THRB: variants seen among roughly 807,000 people sequenced by gnomAD.
THRB encodes thyroid hormone receptor beta.
Under a neutral mutation model 47.8 loss-of-function variants are expected in THRB, and 12 were observed. The ratio of observed to expected loss-of-function variants is 0.25; its 90% CI spans 0.16 to 0.41. The LOEUF (loss-of-function observed/expected upper bound fraction) is 0.41, where lower values mean the gene tolerates loss of function less well. Ranked by LOEUF, THRB falls within the 10% of genes least tolerant of loss-of-function variation. The pLI, the probability that THRB is intolerant of heterozygous loss-of-function variation, is 1.00. For synonymous variants in THRB, 218 were observed against 212.2 expected, an observed-to-expected ratio of 1.03 and a Z score of -0.24; for missense variants, 348 against 589.2, an observed-to-expected ratio of 0.59 and a Z score of 4.24.
At chr3:24,135,844 T>A (rs7432143) in intron 8 of THRB, among the ~76,000 whole-genome samples, 1,095 of 87,624 alleles carry the variant, frequency 0.012, 43 homozygotes, top group African/African-American at 0.041. Context: ...TATATATATA[T>A]ATAATACATA....
At position 24,261,511 on chromosome 3, in the gene THRB, A is replaced by C. The variant is rs569182824; in HGVS notation, c.-42-32510T>G. On this transcript the variant is annotated intron_variant, in intron 3 of 10. Transcript: ENST00000646209. ...CGATTCTGTCTCAAAAAAAAAAAAA[A>C]AAAAAAACCAAAAAAAACTCTCTAG... is the stretch of plus-strand genomic sequence containing the variant. 3.8e-3 allele frequency among the ~76,000 whole-genome samples: 558 copies of C among 148,472 alleles called. 6 individuals carry two copies. Among genetic ancestry groups the C allele is most frequent in the African/African-American group, 0.014 (532 of 38,656 alleles).
At chr3:24,141,997 G>T (rs994007519) in intron 8 of THRB, among the ~76,000 whole-genome samples, 5 of 152,362 alleles carry the variant, frequency 3.3e-5, no homozygotes, top group Non-Finnish European at 5.9e-5. Flanking sequence ...ATACCAGGGT[G>T]GGGTGAAGAT....
intron 9 of THRB, among the ~76,000 whole-genome samples, chr3:24,132,210 T>C (rs2033968108): frequency 6.6e-6 from 1 of 152,192 alleles, no homozygotes; most frequent in South Asian, 2.1e-4. Flanking sequence ...TCAGCCTGCT[T>C]ACCTAAGAGG....
intron 2 of THRB, among the ~76,000 whole-genome samples, chr3:24,334,068 C>T (rs1576922260): frequency 1.3e-5 from 2 of 152,312 alleles, no homozygotes; most frequent in South Asian, 4.1e-4. Context: ...CAATAATTAC[C>T]TTCCACTTTA....
chr3:24,141,332 G>A (rs1363637519), intron 8 of THRB, among the ~76,000 whole-genome samples: 1 of 152,170 alleles, frequency 6.6e-6, no homozygotes, highest in Non-Finnish European at 1.5e-5. Context: ...GAAGATATTT[G>A]ATTATATTTT....
intron 4 of THRB, among the ~76,000 whole-genome samples, chr3:24,228,113 G>A (rs2047860279): frequency 6.6e-6 from 1 of 152,128 alleles, no homozygotes; most frequent in Non-Finnish European, 1.5e-5. Flanking sequence ...AGTGGGAGAT[G>A]GCTTCCTTTT....
At position 24,323,217 on chromosome 3, in the gene THRB, A is replaced by C. The variant is rs149872734; in HGVS notation, c.-189+14083T>G. 4.1e-3 allele frequency among the ~76,000 whole-genome samples: 615 copies of C among 148,328 alleles called. 20 individuals are homozygous for C. The highest frequency in any genetic ancestry group is 0.016 in the East Asian group (83 of 5,086). On this transcript the variant is annotated intron_variant, in intron 2 of 10. Coordinates refer to ENST00000646209, the MANE Select transcript of THRB (RefSeq NM_001354712.2). ...CCCCAGGCAACCACCATTCCTACGC[A>C]CGGTTTTTGGTTTTTTTTTTTTTGG...
chr3:24,249,605 T>G (rs2050458112), intron 3 of THRB, among the ~76,000 whole-genome samples: 1 of 152,210 alleles, frequency 6.6e-6, no homozygotes, highest in Non-Finnish European at 1.5e-5. Flanking sequence ...CTGGTATATC[T>G]GTTATACCTT....
At chr3:24,376,322 A>T (rs2065283413) in intron 1 of THRB, among the ~76,000 whole-genome samples, 1 of 152,176 alleles carries the variant, frequency 6.6e-6, no homozygotes, top group South Asian at 2.1e-4. Flanking sequence ...CACTTTTCAA[A>T]TTGCAACCTG....
At chr3:24,199,185 CAAG>C (rs1421959085) in intron 4 of THRB, among the ~76,000 whole-genome samples, 1 of 152,210 alleles carries the variant, frequency 6.6e-6, no homozygotes, top group Non-Finnish European at 1.5e-5. Context: ...GCACTCATCT[CAAG>C]AAGAACTCTG....
chr3:24,132,704 T>C (rs538809421), intron 9 of THRB, among the ~76,000 whole-genome samples: 1 of 152,324 alleles, frequency 6.6e-6, no homozygotes, highest in Non-Finnish European at 1.5e-5. Context: ...CAGGGTGCCC[T>C]GAAGATGGGA....
intron 5 of THRB, among the ~76,000 whole-genome samples, chr3:24,155,015 C>T (rs1210208248): frequency 6.6e-6 from 1 of 152,166 alleles, no homozygotes; most frequent in African/African-American, 2.4e-5. Flanking sequence ...TGGGAAGATG[C>T]AGGTAGTTCC....
intron 2 of THRB, among the ~76,000 whole-genome samples, chr3:24,309,226 A>G (rs2057573485): frequency 6.6e-6 from 1 of 152,220 alleles, no homozygotes; most frequent in Admixed American, 6.5e-5. Context: ...TTATAAGTTG[A>G]TAATCAGAAA....
intron 4 of THRB, among the ~76,000 whole-genome samples, chr3:24,205,606 A>C (rs539860977): frequency 8.9e-4 from 135 of 152,324 alleles, no homozygotes; most frequent in Admixed American, 2.0e-3. Flanking sequence ...CGAGCAAAAT[A>C]ACCAGCTAAC....
chr3:24,364,387 A>G (rs2064300438), intron 1 of THRB, among the ~76,000 whole-genome samples: 1 of 152,184 alleles, frequency 6.6e-6, no homozygotes, highest in Non-Finnish European at 1.5e-5. Context: ...CTAAATGTCT[A>G]CTATATGTCA....
intron 1 of THRB, among the ~76,000 whole-genome samples, chr3:24,372,622 T>C (rs538475819): frequency 6.6e-6 from 1 of 152,162 alleles, no homozygotes; most frequent in South Asian, 2.1e-4. Context: ...GAGTCGGAGA[T>C]CAACAGCTCA....
At chr3:24,261,516 A>C (rs1371509130) in intron 3 of THRB, among the ~76,000 whole-genome samples, 1 of 142,396 alleles carries the variant, frequency 7.0e-6, no homozygotes, top group South Asian at 2.1e-4. Context: ...AAAAAAAAAA[A>C]AACCAAAAAA....
At chr3:24,210,482 G>A (rs1486322110) in intron 4 of THRB, among the ~76,000 whole-genome samples, 1 of 151,890 alleles carries the variant, frequency 6.6e-6, no homozygotes, top group African/African-American at 2.4e-5. Context: ...ACAACTTGGA[G>A]TGTGTGTGTT....
Position 24,266,090 on chromosome 3 carries a change from A to G in THRB, c.-43+31136T>C, listed in dbSNP as rs557055274. On this transcript the variant is annotated intron_variant, in intron 3 of 10. Coordinates refer to ENST00000646209, the MANE Select transcript of THRB (RefSeq NM_001354712.2). ...CCTAAACTTTCAAAATCTGTTTAGT[A>G]CTGCATTTTGTATAGAAATTGATAG... Among the ~76,000 whole-genome samples the G allele has an allele frequency of 2.0e-5, 3 of 152,372 alleles. No homozygotes were observed. In the East Asian group the frequency reaches 5.8e-4, roughly 29 times the overall value.
Sources: gnomAD v4.1 joint callset for allele counts (sites outside exome capture counted in the v4.1 genomes callset) on GRCh38, gnomAD v4.1.1 for gene constraint, MANE v1.5 for transcripts, NCBI Gene and HGNC (gene_info 2026-07-23, HGNC 2026-07-21) for gene names.